Variants in KCNH5 observed in about 807,000 individuals in gnomAD.
KCNH5 encodes voltage-gated delayed rectifier potassium channel KCNH5.
In KCNH5, 46 loss-of-function variants were observed where a neutral mutation model predicts 96.1. That is an observed-to-expected ratio of 0.48 (90% CI 0.38 to 0.61). The LOEUF (loss-of-function observed/expected upper bound fraction) is 0.61. KCNH5 is among the 20% of genes least tolerant of loss of function. The pLI is 0.00. For synonymous variants in KCNH5, 439 were observed against 449.8 expected (o/e 0.98, Z 0.30); for missense variants, 907 against 1,225.8 (o/e 0.74, Z 3.88).
chr14:62,733,851 G>GCTC (rs1368840541), intron 10 of KCNH5, among the ~76,000 whole-genome samples: 1 of 151,988 alleles, frequency 6.6e-6, no homozygotes, highest in Non-Finnish European at 1.5e-5. Flanking sequence ...AAACACTGGT[G>GCTC]CTCCCCATAG....
intron 10 of KCNH5, among the ~76,000 whole-genome samples, chr14:62,720,018 A>C (rs1383083003): frequency 6.6e-6 from 1 of 152,216 alleles, no homozygotes; most frequent in African/African-American, 2.4e-5. Flanking sequence ...CTGACGGTGA[A>C]GGGGGCTACA....
chr14:63,019,397 A>G (rs983135237), intron 1 of KCNH5, among the ~76,000 whole-genome samples: 5 of 152,090 alleles, frequency 3.3e-5, no homozygotes, highest in African/African-American at 1.2e-4. Flanking sequence ...AAAATATGAA[A>G]AAGTAGAACA....
intron 4 of KCNH5, among the ~76,000 whole-genome samples, chr14:62,987,446 G>C (rs1890731674): frequency 6.6e-6 from 1 of 152,126 alleles, no homozygotes; most frequent in African/African-American, 2.4e-5. Flanking sequence ...AATGCAACTA[G>C]CTATCCACAA....
chr14:62,818,113 G>GC (rs1196822751), intron 8 of KCNH5, among the ~76,000 whole-genome samples: 1 of 128,360 alleles, frequency 7.8e-6, no homozygotes, highest in Non-Finnish European at 1.7e-5. Context: ...TGGGGGCGGG[G>GC]GGGGGGTGGA....
At chr14:62,928,609 T>G (rs1397812773) in intron 7 of KCNH5, among the ~76,000 whole-genome samples, 3 of 152,028 alleles carry the variant, frequency 2.0e-5, no homozygotes, top group Non-Finnish European at 4.4e-5. Flanking sequence ...GCCCCCAAGA[T>G]TACATCAAAT....
intron 8 of KCNH5, among the ~76,000 whole-genome samples, chr14:62,816,880 C>CTTCAAGTTCACAGATTCTCTCT (rs1157557383): frequency 1.3e-5 from 2 of 151,338 alleles, no homozygotes; most frequent in Non-Finnish European, 3.0e-5. Context: ...AATGACCCAT[C>CTTCAAGTTCACAGATTCTCTCT]TTCAAGTTCA....
chr14:62,978,326 C>G (rs188141273), intron 6 of KCNH5, among the ~76,000 whole-genome samples: 182 of 152,292 alleles, frequency 1.2e-3, no homozygotes, highest in Admixed American at 3.5e-3. Flanking sequence ...TGACCGTACT[C>G]CACACAGCAC....
chr14:62,992,161 A>AG (rs1890821558), intron 4 of KCNH5, among the ~76,000 whole-genome samples: 1 of 152,050 alleles, frequency 6.6e-6, no homozygotes, highest in Non-Finnish European at 1.5e-5. Flanking sequence ...ACATGATTTC[A>AG]TTCTTTTTTA....
chr14:62,909,705 C>T (rs1448946616), intron 7 of KCNH5, among the ~76,000 whole-genome samples: 1 of 151,994 alleles, frequency 6.6e-6, no homozygotes, highest in East Asian at 1.9e-4. Flanking sequence ...GCTTCCTTTG[C>T]TCACCCGCCA....
chr14:62,713,793 T>A (rs966634261), intron 10 of KCNH5, among the ~76,000 whole-genome samples: 2 of 152,224 alleles, frequency 1.3e-5, no homozygotes, highest in Admixed American at 6.5e-5. Flanking sequence ...AGTAACTCAC[T>A]GTATTTCAAA....
intron 8 of KCNH5, among the ~76,000 whole-genome samples, chr14:62,817,085 TTATATATTA>T (rs1046342479): frequency 7.1e-4 from 99 of 138,794 alleles, no homozygotes; most frequent in Non-Finnish European, 1.2e-3. Flanking sequence ...TATATATATA[TTATATATTA>T]TATATAATTA....
At chr14:62,817,242 T>C (rs1887004601) in intron 8 of KCNH5, among the ~76,000 whole-genome samples, 1 of 138,210 alleles carries the variant, frequency 7.2e-6, no homozygotes, top group African/African-American at 2.7e-5. Flanking sequence ...ACATATATTA[T>C]AGTATATCAT....
chr14:62,770,969 C>T (rs1000916458), intron 10 of KCNH5, among the ~76,000 whole-genome samples: 6 of 152,216 alleles, frequency 3.9e-5, no homozygotes, highest in African/African-American at 1.2e-4. Flanking sequence ...ATCAAGGTTA[C>T]GTGAGGTCAT....
intron 10 of KCNH5, among the ~76,000 whole-genome samples, chr14:62,769,491 T>C (rs1885940027): frequency 6.6e-6 from 1 of 152,200 alleles, no homozygotes; most frequent in Non-Finnish European, 1.5e-5. Flanking sequence ...TCGGGTGATC[T>C]CAATTCACTC....
intron 7 of KCNH5, among the ~76,000 whole-genome samples, chr14:62,853,456 C>CATATATATATATATATATATATAT (rs61444088): frequency 4.3e-5 from 4 of 93,320 alleles, no homozygotes; most frequent in Non-Finnish European, 5.9e-5. Flanking sequence ...AAAGAATAAT[C>CATATATATATATATATATATATAT]ATATATATAT....
intron 10 of KCNH5, among the ~76,000 whole-genome samples, chr14:62,769,155 A>G (rs1295996494): frequency 6.6e-6 from 1 of 152,132 alleles, no homozygotes; most frequent in Non-Finnish European, 1.5e-5. Context: ...GAAGCACCTT[A>G]CCTCCCTTAA....
At chr14:62,871,132 G>A (rs952284918) in intron 7 of KCNH5, among the ~76,000 whole-genome samples, 2 of 152,110 alleles carry the variant, frequency 1.3e-5, no homozygotes, top group Admixed American at 6.6e-5. Context: ...TTTTTTGATT[G>A]GCTTATTGGG....
intron 8 of KCNH5, among the ~76,000 whole-genome samples, chr14:62,843,621 AG>A (rs1887631007): frequency 6.6e-6 from 1 of 151,910 alleles, no homozygotes; most frequent in Admixed American, 6.6e-5. Context: ...CATGTTGGCC[AG>A]GATGGTCTCG....
intron 8 of KCNH5, among the ~76,000 whole-genome samples, chr14:62,843,435 A>G (rs1344385576): frequency 8.2e-6 from 1 of 122,548 alleles, no homozygotes; most frequent in Admixed American, 9.2e-5. Flanking sequence ...TTTTTTTGAC[A>G]GTATCTCACT....
Sources: allele counts gnomAD v4.1 joint callset (sites outside exome capture counted in the v4.1 genomes callset), GRCh38; gene constraint gnomAD v4.1.1; transcripts MANE v1.5; gene names NCBI Gene and HGNC (gene_info 2026-07-23, HGNC 2026-07-21).